Variants in ZNF140 observed in about 807,000 individuals in gnomAD.
The protein encoded by ZNF140 is zinc finger protein 140 (clone pHZ-39).
A neutral mutation model predicts 12.9 loss-of-function variants in ZNF140; 13 were observed. The observed-to-expected ratio is 1.01, with a 90% CI of 0.66 to 1.60. The LOEUF is 1.60. ZNF140 is among the 40% of genes most tolerant of loss of function. The probability of loss-of-function intolerance (pLI) is 0.00; values close to 1 mark genes in which losing one functional copy is unlikely to be tolerated. For missense variants in ZNF140, 531 were observed against 548.8 expected (o/e 0.97, Z 0.32); for synonymous variants, 214 against 186.7 (o/e 1.15, Z -1.19).
chr12:133,104,955 C>T (rs1955533989), intron 4 of ZNF140, among the ~76,000 whole-genome samples: 1 of 152,122 alleles, frequency 6.6e-6, no homozygotes, highest in African/African-American at 2.4e-5. Flanking sequence ...CTCCCACATT[C>T]CACCCTCAAA....
chr12:133,100,955 T>C (rs1955325502), intron 4 of ZNF140: 3 of 452,982 alleles, frequency 6.6e-6, no homozygotes, highest in Middle Eastern at 3.2e-4. Context: ...TTCTGGAATT[T>C]TCTATTTAAT....
chr12:133,093,134 T>C (rs1003519359), intron 4 of ZNF140, among the ~76,000 whole-genome samples: 3 of 151,270 alleles, frequency 2.0e-5, no homozygotes, highest in Non-Finnish European at 2.9e-5. Context: ...AGGATAATGA[T>C]ACCCAATGGA....
intron 4 of ZNF140, among the ~76,000 whole-genome samples, chr12:133,095,784 G>T (rs534894135): frequency 6.6e-6 from 1 of 151,866 alleles, no homozygotes; most frequent in South Asian, 2.1e-4. Flanking sequence ...ACTATGCCTG[G>T]ATGTGCACGT....
At chr12:133,099,359 T>G (rs1046302962) in intron 4 of ZNF140, among the ~76,000 whole-genome samples, 7 of 151,970 alleles carry the variant, frequency 4.6e-5, no homozygotes, top group Non-Finnish European at 8.8e-5. Context: ...GTATTTTTAG[T>G]AGAGACGGGG....
chr12:133,092,165 A>G (rs1593766311), intron 4 of ZNF140, among the ~76,000 whole-genome samples: 1 of 151,196 alleles, frequency 6.6e-6, no homozygotes, highest in African/African-American at 2.5e-5. Flanking sequence ...TGTGACTGCA[A>G]TAAGACCCAT....
upstream of ZNF140, chr12:133,080,655 C>G (rs768370662): frequency 1.3e-5 from 2 of 152,330 alleles, no homozygotes; most frequent in Non-Finnish European, 2.9e-5. Context: ...AGGATAGCCC[C>G]TATGCTCTGG....
Position 133,106,130 on chromosome 12 carries a change from G to A in ZNF140, c.853G>A (p.Gly285Ser), listed in dbSNP as rs746469465. Reference protein sequence around the residue: ...CRKCGKAFSSGSELIRHQITH... With the variant: ...CRKCGKAFSSSSELIRHQITH... ...GAAATGTGGTAAAGCATTTAGCAGT[G>A]GCTCAGAACTCATTCGCCACCAGAT... Residue 285 changes from glycine to serine, a missense_variant, in exon 5 of 5, where the codon GGC (glycine) becomes AGC (serine). By Grantham distance (56) the Gly-to-Ser change is moderately conservative (BLOSUM62 0). Transcript: ENST00000355557. The A allele has an allele frequency of 6.2e-7, 1 of 1,614,064 alleles. No homozygotes were observed. The highest frequency in any genetic ancestry group is 1.1e-5 in the South Asian group (1 of 91,068).
intron 2 of ZNF140, 60 bp from the exon 3 acceptor site, chr12:133,083,043 T>G: frequency 6.2e-7 from 1 of 1,612,430 alleles, no homozygotes. Flanking sequence ...ATTTTATTCC[T>G]TGATGAGGGA....
intron 4 of ZNF140, among the ~76,000 whole-genome samples, chr12:133,091,042 A>G (rs1370559134): frequency 3.4e-5 from 5 of 148,872 alleles, no homozygotes; most frequent in Admixed American, 6.7e-5. Context: ...GACAGGAGAC[A>G]GTGGCCTTCC....
At chr12:133,100,594 C>T (rs1399191083) in intron 4 of ZNF140, among the ~76,000 whole-genome samples, 2 of 152,110 alleles carry the variant, frequency 1.3e-5, no homozygotes, top group Non-Finnish European at 2.9e-5. Flanking sequence ...AAGACTCATT[C>T]TGCTGTAATC....
At chr12:133,088,562 A>G (rs1398370547) in intron 4 of ZNF140, among the ~76,000 whole-genome samples, 1 of 152,230 alleles carries the variant, frequency 6.6e-6, no homozygotes, top group East Asian at 1.9e-4. Flanking sequence ...AATAAAGCAC[A>G]TCTGTGTGCA....
chr12:133,091,939 G>A (rs1389552792), intron 4 of ZNF140, among the ~76,000 whole-genome samples: 3 of 151,134 alleles, frequency 2.0e-5, no homozygotes, highest in Non-Finnish European at 4.4e-5. Context: ...ATCTGACGTA[G>A]TCCAGTCACA....
upstream of ZNF140, chr12:133,080,596 T>G (rs1954433829): frequency 6.6e-6 from 1 of 152,282 alleles, no homozygotes; most frequent in Non-Finnish European, 1.5e-5. Flanking sequence ...TTCTGGGAAA[T>G]GTAGTTGCCT....
At position 133,088,737 on chromosome 12, in the gene ZNF140, T is replaced by C. The variant is rs963543569; in HGVS notation, c.232+5176T>C. Among the ~76,000 whole-genome samples, 8 of 152,386 alleles carry C rather than the reference T, an allele frequency of 5.2e-5. No homozygotes were observed. In the East Asian group the frequency reaches 9.6e-4, roughly 18 times the overall value. On this transcript the variant is annotated intron_variant, in intron 4 of 4. Transcript: ENST00000355557. ...TCCCGTCAGCAATGAATGATTGATATTATCATGTGATTTTATTTTTTTATC... is the reference window on the plus strand; with the variant it reads ...TCCCGTCAGCAATGAATGATTGATACTATCATGTGATTTTATTTTTTTATC...
intron 4 of ZNF140, among the ~76,000 whole-genome samples, chr12:133,099,195 T>TG (rs1252645727): frequency 5.3e-5 from 7 of 131,642 alleles, no homozygotes; most frequent in Non-Finnish European, 9.8e-5. Context: ...TTTTTTGAGA[T>TG]GGAGTCTTGC....
intron 4 of ZNF140, among the ~76,000 whole-genome samples, chr12:133,099,612 G>A (rs764667678): frequency 3.3e-3 from 499 of 152,260 alleles, no homozygotes; most frequent in Non-Finnish European, 5.1e-3. Context: ...CTTGAGCCCA[G>A]GAATTTGAGG....
intron 4 of ZNF140, among the ~76,000 whole-genome samples, chr12:133,084,795 G>A (rs1954621190): frequency 6.6e-6 from 1 of 152,194 alleles, no homozygotes; most frequent in African/African-American, 2.4e-5. Flanking sequence ...AAGAGTAGTG[G>A]TTCATATGAA....
chr12:133,086,601 T>A (rs1391445644), intron 4 of ZNF140, among the ~76,000 whole-genome samples: 1 of 152,236 alleles, frequency 6.6e-6, no homozygotes, highest in Non-Finnish European at 1.5e-5. Context: ...GGCTTTTTTT[T>A]AACCTTCATA....
chr12:133,088,969 T>A (rs1409772624), intron 4 of ZNF140, among the ~76,000 whole-genome samples: 3 of 152,160 alleles, frequency 2.0e-5, no homozygotes, highest in African/African-American at 7.2e-5. Context: ...TTACTAGTAT[T>A]TTGTTGAGAA....
Sources: allele counts gnomAD v4.1 joint callset (sites outside exome capture counted in the v4.1 genomes callset), GRCh38; gene constraint gnomAD v4.1.1; transcripts MANE v1.5; gene names NCBI Gene and HGNC (gene_info 2026-07-23, HGNC 2026-07-21).